The following SNX2 variants were observed in gnomAD, a reference collection of about 807,000 sequenced individuals.
The protein encoded by SNX2 is sorting nexin 2, also known as sorting nexin-2.
A neutral mutation model predicts 69.9 loss-of-function variants in SNX2; 25 were observed. That is an observed-to-expected ratio of 0.36 (90% CI 0.26 to 0.50). The LOEUF is 0.50. Among genes scored for constraint, SNX2 ranks in the 20% least tolerant of loss-of-function variants. The probability of loss-of-function intolerance (pLI) is 0.97; values close to 1 mark genes in which losing one functional copy is unlikely to be tolerated. For synonymous variants in SNX2, 229 were observed against 200.4 expected, an observed-to-expected ratio of 1.14 and a Z score of -1.20; for missense variants, 551 against 613.3, an observed-to-expected ratio of 0.90 and a Z score of 1.07.
At chr5:122,802,931 G>A (rs1753549955) in intron 5 of SNX2, among the ~76,000 whole-genome samples, 2 of 152,132 alleles carry the variant, frequency 1.3e-5, no homozygotes, top group African/African-American at 4.8e-5. Flanking sequence ...AGTGATCCAT[G>A]GAGAAAGGCA....
At chr5:122,805,092 G>A (rs976884501) in intron 6 of SNX2, among the ~76,000 whole-genome samples, 3 of 151,932 alleles carry the variant, frequency 2.0e-5, no homozygotes, top group Non-Finnish European at 4.4e-5. Context: ...AGGAGTTCGA[G>A]ACCAGCCTGG....
chr5:122,823,810 G>A (rs1008479266), intron 11 of SNX2, among the ~76,000 whole-genome samples: 11 of 145,552 alleles, frequency 7.6e-5, no homozygotes, highest in Non-Finnish European at 1.7e-4. Context: ...GTGTGTGTGT[G>A]TATGTGTAGG....
At chr5:122,801,710 A>G (rs1016088868) in intron 3 of SNX2, among the ~76,000 whole-genome samples, 159 bp from the exon 4 acceptor site, 15 of 144,864 alleles carry the variant, frequency 1.0e-4, no homozygotes, top group Admixed American at 9.5e-4. Context: ...AAAGTCAGGA[A>G]ATGTGAAAGT....
At chr5:122,782,969 G>A (rs778148721) in intron 1 of SNX2, among the ~76,000 whole-genome samples, 1 of 149,518 alleles carries the variant, frequency 6.7e-6, no homozygotes. Context: ...ATGGAGTCTC[G>A]CTCTGTCACT....
At chr5:122,800,297 CA>C (rs1170235059) in intron 3 of SNX2, among the ~76,000 whole-genome samples, 2 of 151,836 alleles carry the variant, frequency 1.3e-5, no homozygotes, top group African/African-American at 4.8e-5. Context: ...TAATTTCTGA[CA>C]AGGTGAATTT....
intron 5 of SNX2, among the ~76,000 whole-genome samples, chr5:122,802,485 T>G (rs1224712929): frequency 6.6e-6 from 1 of 152,310 alleles, no homozygotes; most frequent in East Asian, 1.9e-4. Flanking sequence ...TGATGCATGA[T>G]TGAAACGTTT....
chr5:122,827,249 C>A, intron 12 of SNX2, 130 bp from the exon 13 acceptor site: 1 of 683,876 alleles, frequency 1.5e-6, no homozygotes, highest in South Asian at 2.0e-5. Context: ...TCTGTTGATG[C>A]TAAATTGTGC....
At chr5:122,803,379 G>A in intron 5 of SNX2, 93 bp from the exon 6 acceptor site, 1 of 1,212,824 alleles carries the variant, frequency 8.2e-7, no homozygotes, top group Non-Finnish European at 1.1e-6. Flanking sequence ...TTGCAAAGTA[G>A]ATACATGTAT....
intron 12 of SNX2, chr5:122,826,549 C>T (rs1006463132): frequency 2.5e-6 from 1 of 400,060 alleles, no homozygotes; most frequent in African/African-American, 2.2e-5. Flanking sequence ...CAACATTATC[C>T]CCCATATATA....
rs1045301240 is a variant in SNX2, at chr5:122,833,091, G to C, written c.*3443G>C. ...TAGTCTGTTTCAAAGTATTAGAAAAGAGACAATAGAATCACCCACCCTCCC... is the reference window on the plus strand; with the variant it reads ...TAGTCTGTTTCAAAGTATTAGAAAACAGACAATAGAATCACCCACCCTCCC... On this transcript the variant is annotated 3_prime_UTR_variant, in exon 15 of 15. Transcript: ENST00000379516. 2 of 152,144 alleles carry C rather than the reference G, an allele frequency of 1.3e-5. No homozygotes were observed. Among genetic ancestry groups the C allele is most frequent in the African/African-American group, 4.8e-5 (2 of 41,428 alleles). 9.4% of individuals were successfully genotyped at this position (152,144 alleles called of 1,614,324 possible). A position where few individuals can be genotyped will look rare whatever the true frequency, so the allele number is the denominator to read the frequency against.
chr5:122,817,357 G>T lies in SNX2; in HGVS notation c.990G>T (p.Leu330Phe). The stretch of plus-strand genomic sequence containing the variant: ...AACTTCATGTCAGTGTTGAAGCCTT[G>T]GTCTGTCATAGAAAAGGTTTGTTTG... ...LRKLHVSVEALVCHRKELSAN... is the reference protein window; with the variant it reads ...LRKLHVSVEAFVCHRKELSAN... Residue 330 changes from leucine (L) to phenylalanine (F), a missense_variant, in exon 10 of 15, where the codon TTG (leucine) becomes TTT (phenylalanine). By Grantham distance (22) the Leu-to-Phe change is conservative (BLOSUM62 0). Around this residue, in one of 2 missense-constraint regions of SNX2, gnomAD observed 360 missense variants for 450.4 expected, o/e 0.80. Coordinates refer to ENST00000379516, the MANE Select transcript of SNX2 (RefSeq NM_003100.4). 6.2e-7 allele frequency: 1 copy of T among 1,613,496 alleles called. No individual in the cohort carries two copies. Among genetic ancestry groups the T allele is most frequent in the Non-Finnish European group, 8.5e-7 (1 of 1,179,632 alleles).
chr5:122,791,546 T>A (rs1753238674), intron 1 of SNX2, among the ~76,000 whole-genome samples: 1 of 152,202 alleles, frequency 6.6e-6, no homozygotes, highest in Admixed American at 6.5e-5. Flanking sequence ...CCTCCCAAAG[T>A]GCTGGGATTA....
Position 122,804,715 on chromosome 5 carries a change from A to G in SNX2, c.643+1102A>G, listed in dbSNP as rs369406753. ...AGACTTAGTTAAGAAACTGCAGAAA[A>G]TTACAAAAGAGGAGGAAACCTCCAT... On this transcript the variant is annotated intron_variant, in intron 6 of 14. Transcript: ENST00000379516. Among the ~76,000 whole-genome samples the G allele has an allele frequency of 4.9e-4, 75 of 152,292 alleles. No homozygotes were observed. The Middle Eastern group carries it at 0.01, about 21-fold the overall frequency.
chr5:122,785,558 A>T (rs1309149284), intron 1 of SNX2, among the ~76,000 whole-genome samples: 1 of 152,162 alleles, frequency 6.6e-6, no homozygotes, highest in African/African-American at 2.4e-5. Context: ...CTTTGGCTGC[A>T]TTCCACAAAT....
At chr5:122,828,406 G>C (rs1441027702) in intron 14 of SNX2, among the ~76,000 whole-genome samples, 1 of 151,936 alleles carries the variant, frequency 6.6e-6, no homozygotes, top group Non-Finnish European at 1.5e-5. Context: ...TGTTTTTAAA[G>C]GAATTGTTTT....
At position 122,829,671 on chromosome 5, in the gene SNX2, A is replaced by G. The variant is rs1754238013; in HGVS notation, c.*23A>G. The G allele has an allele frequency of 6.2e-7, 1 of 1,604,660 alleles. No homozygotes were observed. The highest frequency in any genetic ancestry group is 1.3e-5 in the African/African-American group (1 of 74,828). ...TAGCAATAAGATTGTTGCCGTTAAG[A>G]AGACCTTGGATGTTGTTCCAGTTAT... On this transcript the variant is annotated 3_prime_UTR_variant, in exon 15 of 15. Coordinates refer to ENST00000379516, the MANE Select transcript of SNX2 (RefSeq NM_003100.4).
intron 14 of SNX2, 33 bp downstream of exon 14, chr5:122,827,679 A>G: frequency 1.3e-6 from 2 of 1,498,940 alleles, no homozygotes; most frequent in East Asian, 2.3e-5. Context: ...TTAAACTTCT[A>G]GAATTTGTTT....
chr5:122,787,515 C>G (rs1017278792), intron 1 of SNX2, among the ~76,000 whole-genome samples: 1 of 150,736 alleles, frequency 6.6e-6, no homozygotes, highest in Non-Finnish European at 1.5e-5. Context: ...GCAAGACTGT[C>G]CCCCCCCAAA....
intron 5 of SNX2, 36 bp downstream of exon 5, chr5:122,802,160 C>T (rs750937083): frequency 1.3e-6 from 2 of 1,564,632 alleles, no homozygotes; most frequent in Non-Finnish European, 1.8e-6. Flanking sequence ...ACTATCGAGC[C>T]CTCATTATGT....
Sources: allele counts gnomAD v4.1 joint callset (sites outside exome capture counted in the v4.1 genomes callset), GRCh38; gene constraint gnomAD v4.1.1; regional missense constraint gnomAD v4.1.1; transcripts MANE v1.5; gene names NCBI Gene and HGNC (gene_info 2026-07-23, HGNC 2026-07-21).